The following MTSS1 variants were observed in gnomAD, a reference collection of about 807,000 sequenced individuals.
MTSS1 encodes the protein protein MTSS 1.
Under a neutral mutation model 79.0 loss-of-function variants are expected in MTSS1, and 18 were observed. The ratio of observed to expected loss-of-function variants is 0.23; its 90% CI spans 0.16 to 0.34. MTSS1 has a LOEUF of 0.34. Among genes scored for constraint, MTSS1 ranks in the 10% least tolerant of loss-of-function variants. The pLI, the probability that MTSS1 is intolerant of heterozygous loss-of-function variation, is 1.00. For missense variants in MTSS1, 815 were observed against 986.2 expected (o/e 0.83, Z 2.33); for synonymous variants, 341 against 368.6 (o/e 0.93, Z 0.86).
intron 3 of MTSS1, among the ~76,000 whole-genome samples, chr8:124,627,682 C>A (rs920382763): frequency 6.6e-6 from 1 of 151,928 alleles, no homozygotes; most frequent in Non-Finnish European, 1.5e-5. Context: ...GCGGGGGGGT[C>A]CCCCAGGGAT....
At chr8:124,617,355 G>A (rs112324884) in intron 3 of MTSS1, among the ~76,000 whole-genome samples, 19 of 152,224 alleles carry the variant, frequency 1.2e-4, no homozygotes, top group South Asian at 1.0e-3. Flanking sequence ...CATTCAGACC[G>A]CGAGCAGACG....
chr8:124,650,661 C>T (rs772357987), intron 3 of MTSS1, among the ~76,000 whole-genome samples: 3 of 152,194 alleles, frequency 2.0e-5, no homozygotes, highest in Non-Finnish European at 4.4e-5. Flanking sequence ...TGCAACTGAT[C>T]CTAACAAACA....
intron 3 of MTSS1, among the ~76,000 whole-genome samples, chr8:124,695,007 A>G (rs1828563392): frequency 7.5e-6 from 1 of 133,508 alleles, no homozygotes; most frequent in African/African-American, 2.5e-5. Context: ...CCACTTATAC[A>G]CTTTCATTTA....
At chr8:124,578,822 C>A (rs1000954842) in intron 6 of MTSS1, among the ~76,000 whole-genome samples, 2 of 151,988 alleles carry the variant, frequency 1.3e-5, no homozygotes, top group Non-Finnish European at 2.9e-5. Context: ...AGGTGATCTG[C>A]CCACCTAGGC....
At chr8:124,562,672 G>C (rs7015228) in intron 10 of MTSS1, 110 bp downstream of exon 10, 425,729 of 1,037,664 alleles carry the variant, frequency 0.41, 90,405 homozygotes, top group Non-Finnish European at 0.45. Context: ...GGTTTCTCAA[G>C]TCAGTGGGCA....
At chr8:124,658,261 T>C (rs1201996696) in intron 3 of MTSS1, among the ~76,000 whole-genome samples, 1 of 152,156 alleles carries the variant, frequency 6.6e-6, no homozygotes, top group Admixed American at 6.5e-5. Context: ...TGGGGGTGGT[T>C]TCCCCTATAC....
chr8:124,664,296 C>T (rs905428166), intron 3 of MTSS1, among the ~76,000 whole-genome samples: 26 of 152,196 alleles, frequency 1.7e-4, no homozygotes, highest in African/African-American at 6.0e-4. Context: ...TCCTGAGACA[C>T]AGGCGTGGCT....
chr8:124,669,512 GC>G (rs1823736039), intron 3 of MTSS1, among the ~76,000 whole-genome samples: 1 of 152,170 alleles, frequency 6.6e-6, no homozygotes, highest in African/African-American at 2.4e-5. Flanking sequence ...TGGACTTGGG[GC>G]AAACAAGAGA....
intron 6 of MTSS1, among the ~76,000 whole-genome samples, chr8:124,577,369 C>A (rs1234704926): frequency 2.6e-5 from 4 of 152,230 alleles, no homozygotes; most frequent in African/African-American, 9.6e-5. Flanking sequence ...TCTGCCTCAG[C>A]ATCCCAAGTC....
Position 124,728,148 on chromosome 8 carries a change from G to C in MTSS1, c.-193C>G. ...CAAAATAATAACAGTAATTTAAAAA[G>C]CCAAACCGCTCTGTAGGGTATTCGC... is the stretch of plus-strand genomic sequence containing the variant. On this transcript the variant is annotated 5_prime_UTR_variant, in exon 1 of 14. Transcript: ENST00000518547. The surrounding 1 kb of genome is among the most constrained non-coding windows in gnomAD (Gnocchi z 6.1). 1 of 509,888 alleles carries C rather than the reference G, an allele frequency of 2.0e-6. No individual in the cohort carries two copies. The highest frequency in any genetic ancestry group is 3.4e-6 in the Non-Finnish European group (1 of 290,038). 31.6% of individuals were successfully genotyped at this position (509,888 alleles called of 1,614,324 possible). A position where few individuals can be genotyped will look rare whatever the true frequency, so the allele number is the denominator to read the frequency against.
intron 3 of MTSS1, among the ~76,000 whole-genome samples, chr8:124,632,676 T>C (rs1816218741): frequency 6.6e-6 from 1 of 152,088 alleles, no homozygotes; most frequent in Non-Finnish European, 1.5e-5. Flanking sequence ...TGTTTGTTTG[T>C]TTGTTTTTTG....
At chr8:124,677,973 C>T (rs562547124) in intron 3 of MTSS1, among the ~76,000 whole-genome samples, 3 of 152,284 alleles carry the variant, frequency 2.0e-5, no homozygotes, top group South Asian at 2.1e-4. Context: ...TCACTAGATG[C>T]CTCTAACGTG....
At chr8:124,639,051 G>C (rs551680140) in intron 3 of MTSS1, among the ~76,000 whole-genome samples, 210 of 152,204 alleles carry the variant, frequency 1.4e-3, no homozygotes, top group Middle Eastern at 6.8e-3. Context: ...AGGTATTGGC[G>C]GCCTGGCCCA....
At chr8:124,667,622 C>T (rs990734824) in intron 3 of MTSS1, among the ~76,000 whole-genome samples, 4 of 151,248 alleles carry the variant, frequency 2.6e-5, no homozygotes, top group Non-Finnish European at 4.4e-5. Context: ...CCAGCCTGGG[C>T]AACAGAAGCG....
intron 3 of MTSS1, among the ~76,000 whole-genome samples, chr8:124,693,722 C>G (rs1007933680): frequency 1.3e-5 from 2 of 152,198 alleles, no homozygotes; most frequent in African/African-American, 4.8e-5. Flanking sequence ...CTGTAATTTT[C>G]CCTTTTCTCT....
chr8:124,622,279 T>C (rs1813714009), intron 3 of MTSS1, among the ~76,000 whole-genome samples: 1 of 149,160 alleles, frequency 6.7e-6, no homozygotes, highest in South Asian at 2.1e-4. Flanking sequence ...GTAGAAGACA[T>C]AGAAAATAAA....
intron 3 of MTSS1, among the ~76,000 whole-genome samples, chr8:124,620,792 A>T (rs1813347893): frequency 6.6e-6 from 1 of 152,250 alleles, no homozygotes; most frequent in Non-Finnish European, 1.5e-5. Context: ...ATTTTAAAAC[A>T]TCTTTTCATC....
intron 11 of MTSS1, 118 bp downstream of exon 11, chr8:124,557,563 A>G (rs2131817751): frequency 9.3e-7 from 1 of 1,077,462 alleles, no homozygotes; most frequent in East Asian, 2.7e-5. Flanking sequence ...ATTATGGGGA[A>G]GAAGGCAGAG....
intron 3 of MTSS1, among the ~76,000 whole-genome samples, chr8:124,638,519 C>T (rs1587490016): frequency 1.3e-5 from 2 of 152,178 alleles, no homozygotes; most frequent in Admixed American, 6.5e-5. Context: ...AAATTTCCTT[C>T]CCCGGCGGAG....
Sources: gnomAD v4.1 joint callset for allele counts (sites outside exome capture counted in the v4.1 genomes callset) on GRCh38, gnomAD v4.1.1 for gene constraint, Gnocchi (gnomAD v3.1) non-coding constraint, MANE v1.5 for transcripts, NCBI Gene and HGNC (gene_info 2026-07-23, HGNC 2026-07-21) for gene names.